The following GABRB1 variants were observed in gnomAD, a reference collection of about 807,000 sequenced individuals.
The protein encoded by GABRB1 is gamma-aminobutyric acid type A receptor subunit beta1.
GABRB1 carries 17 observed loss-of-function variants against 51.6 expected under a neutral mutation model. That is an observed-to-expected ratio of 0.33 (90% confidence interval 0.23 to 0.49). GABRB1 has a LOEUF of 0.49. Ranked by LOEUF, GABRB1 falls within the 20% of genes least tolerant of loss-of-function variation. GABRB1 has a pLI of 0.99. For synonymous variants in GABRB1, 247 were observed against 218.9 expected (o/e 1.13, Z -1.14); for missense variants, 410 against 600.6 (o/e 0.68, Z 3.32).
chr4:47,402,665 C>A (rs76955858), intron 5 of GABRB1, among the ~76,000 whole-genome samples: 119 of 152,170 alleles, frequency 7.8e-4, no homozygotes, highest in African/African-American at 2.8e-3. Context: ...CCTACACATT[C>A]CCCTTAAATT....
chr4:47,161,161 C>T, intron 3 of GABRB1, 88 bp from the exon 4 acceptor site: 1 of 889,250 alleles, frequency 1.1e-6, no homozygotes, highest in Non-Finnish European at 1.7e-6. Context: ...CAAATGTAAT[C>T]TCTTACAGGA....
chr4:47,425,750 G>A lies in GABRB1; in HGVS notation c.1157G>A (p.Ser386Asn). 6.2e-7 allele frequency: 1 copy of A among 1,614,194 alleles called. No individual in the cohort carries two copies. The highest frequency in any genetic ancestry group is 1.7e-5 in the Admixed American group (1 of 60,034). Residue 386 changes from serine (S) to asparagine (N), a missense_variant, in exon 9 of 9, where the codon AGC becomes AAC. Ser to Asn is a conservative substitution (Grantham distance 46). Around this residue, in one of 5 missense-constraint regions of GABRB1, gnomAD observed 181 missense variants for 195.6 expected, o/e 0.93. Transcript: ENST00000295454. ...NETSGSEVLT[S>N]VSDPKATMYS... ...ACGAGTGGCTCGGAAGTGCTCACGA[G>A]CGTGAGCGACCCCAAGGCCACCATG...
At chr4:46,998,262 G>A (rs1241556882) in intron 1 of GABRB1, among the ~76,000 whole-genome samples, 2 of 152,044 alleles carry the variant, frequency 1.3e-5, no homozygotes, top group East Asian at 1.9e-4. Context: ...ACCTATTATA[G>A]TATGTATTTT....
At chr4:47,204,927 A>G (rs1312061435) in intron 4 of GABRB1, among the ~76,000 whole-genome samples, 2 of 152,168 alleles carry the variant, frequency 1.3e-5, no homozygotes, top group Non-Finnish European at 2.9e-5. Flanking sequence ...CTAATCAAAC[A>G]CAACTCTCTT....
chr4:47,032,128 G>GTACACA, intron 2 of GABRB1, 123 bp downstream of exon 2: 1 of 582,500 alleles, frequency 1.7e-6, no homozygotes, highest in Non-Finnish European at 3.0e-6. Context: ...TATACCCTGG[G>GTACACA]CACACACACA....
chr4:47,153,837 G>T lies in GABRB1; in HGVS notation c.241-7412G>T, dbSNP rs192534017. On this transcript the variant is annotated intron_variant, in intron 3 of 8. Coordinates refer to ENST00000295454, the MANE Select transcript of GABRB1 (RefSeq NM_000812.4). ...GACCAAATGGGGCTATTTAGGATGC[G>T]ACAAAGGTAAAAGAAGATTATGTTC... is the stretch of plus-strand genomic sequence containing the variant. Among the ~76,000 whole-genome samples the T allele has an allele frequency of 2.7e-3, 417 of 152,074 alleles. 3 individuals carry two copies. The highest frequency in any genetic ancestry group is 9.0e-3 in the African/African-American group (375 of 41,520).
rs190162451 is a variant in GABRB1, at chr4:47,329,401, A to G, written c.544+9192A>G. Among the ~76,000 whole-genome samples, 16 of 149,620 alleles carry G rather than the reference A, an allele frequency of 1.1e-4. No homozygotes were observed. In the East Asian group the frequency reaches 3.1e-3, roughly 29 times the overall value. Reference sequence around the variant, plus strand: ...AAATATATAATGTATAATATAAAATATATAATTTAATGTAAAATACAGCCA... The same window carrying G: ...AAATATATAATGTATAATATAAAATGTATAATTTAATGTAAAATACAGCCA... On this transcript the variant is annotated intron_variant, in intron 5 of 8. Transcript: ENST00000295454.
chr4:47,125,452 T>TGCC (rs1716077841), intron 3 of GABRB1, among the ~76,000 whole-genome samples: 2 of 151,316 alleles, frequency 1.3e-5, no homozygotes, highest in Non-Finnish European at 2.9e-5. Context: ...AATACAGTAA[T>TGCC]AATGGGGCAT....
chr4:47,244,688 A>G (rs1303281953), intron 4 of GABRB1, among the ~76,000 whole-genome samples: 1 of 152,092 alleles, frequency 6.6e-6, no homozygotes, highest in African/African-American at 2.4e-5. Flanking sequence ...GAATTAAGAA[A>G]CTCACTCAAA....
At chr4:47,168,293 T>G (rs1370930547) in intron 4 of GABRB1, among the ~76,000 whole-genome samples, 1 of 152,166 alleles carries the variant, frequency 6.6e-6, no homozygotes. Flanking sequence ...AGATCAAAAG[T>G]AAATTTTACT....
chr4:47,339,570 T>C (rs971315307), intron 5 of GABRB1, among the ~76,000 whole-genome samples: 1 of 143,582 alleles, frequency 7.0e-6, no homozygotes, highest in Non-Finnish European at 1.5e-5. Context: ...TGTGTGTGTG[T>C]AATGCTTTTA....
At chr4:47,404,620 C>T (rs563815463) in intron 7 of GABRB1, among the ~76,000 whole-genome samples, 1 of 152,178 alleles carries the variant, frequency 6.6e-6, no homozygotes, top group African/African-American at 2.4e-5. Context: ...CACAGCTATA[C>T]TAATTGTCAT....
At chr4:47,420,790 G>A (rs923779327) in intron 8 of GABRB1, among the ~76,000 whole-genome samples, 2 of 152,124 alleles carry the variant, frequency 1.3e-5, no homozygotes, top group Non-Finnish European at 2.9e-5. Context: ...TTCTCCAAGG[G>A]GAATGGGTTA....
intron 1 of GABRB1, among the ~76,000 whole-genome samples, chr4:47,024,989 T>A (rs1725046060): frequency 7.0e-6 from 1 of 143,646 alleles, no homozygotes; most frequent in Non-Finnish European, 1.5e-5. Flanking sequence ...TAATAAAATC[T>A]TCTACTGTGC....
rs1242260164 is a variant in GABRB1 at position 47,168,151 on chromosome 4, T to G, written c.461+6682T>G. On this transcript the variant is annotated intron_variant, in intron 4 of 8. Transcript: ENST00000295454. Reference sequence around the variant, plus strand: ...GAAATTTAACCAAAACCCATGTAAATAAGTAATTGAAAATATATTATATAA... The same window carrying G: ...GAAATTTAACCAAAACCCATGTAAAGAAGTAATTGAAAATATATTATATAA... 3.9e-5 allele frequency among the ~76,000 whole-genome samples: 6 copies of G among 152,162 alleles called. No homozygotes were observed. The South Asian group carries it at 1.0e-3, about 26-fold the overall frequency.
At chr4:47,154,242 A>T (rs1231309761) in intron 3 of GABRB1, among the ~76,000 whole-genome samples, 2 of 144,044 alleles carry the variant, frequency 1.4e-5, no homozygotes, top group African/African-American at 2.6e-5. Context: ...TCTTTGTCAC[A>T]TACAAATTAT....
At chr4:47,118,276 C>A (rs1490210900) in intron 3 of GABRB1, among the ~76,000 whole-genome samples, 1 of 152,000 alleles carries the variant, frequency 6.6e-6, no homozygotes, top group Non-Finnish European at 1.5e-5. Flanking sequence ...TACTAGTTTG[C>A]TTTTGCATTT....
chr4:47,335,887 G>A (rs1179530369), intron 5 of GABRB1, among the ~76,000 whole-genome samples: 1 of 152,146 alleles, frequency 6.6e-6, no homozygotes, highest in African/African-American at 2.4e-5. Flanking sequence ...GAATGTATTT[G>A]GAGGCATGAA....
intron 7 of GABRB1, among the ~76,000 whole-genome samples, chr4:47,404,644 T>G (rs769023868): frequency 6.6e-5 from 10 of 152,204 alleles, no homozygotes; most frequent in Admixed American, 1.3e-4. Flanking sequence ...TACAGCTTAT[T>G]TGTAATGGCT....
Sources: allele counts gnomAD v4.1 joint callset (sites outside exome capture counted in the v4.1 genomes callset), GRCh38; gene constraint gnomAD v4.1.1; regional missense constraint gnomAD v4.1.1; transcripts MANE v1.5; gene names NCBI Gene and HGNC (gene_info 2026-07-23, HGNC 2026-07-21).